Variants in CEACAM3 observed in about 807,000 individuals in gnomAD.
CEACAM3 encodes the protein CEA cell adhesion molecule 3, also known as cell adhesion molecule CEACAM3.
A neutral mutation model predicts 30.1 loss-of-function variants in CEACAM3; 32 were observed. The observed-to-expected ratio is 1.06, with a 90% CI of 0.80 to 1.43. CEACAM3 has a LOEUF of 1.43. CEACAM3 is among the 40% of genes most tolerant of loss of function. CEACAM3 has a pLI of 0.00. For missense variants in CEACAM3, 290 were observed against 316.3 expected, an observed-to-expected ratio of 0.92 and a Z score of 0.63; for synonymous variants, 134 against 127.2, an observed-to-expected ratio of 1.05 and a Z score of -0.36.
At chr19:41,807,531 A>T in intron 2 of CEACAM3, 5 of 1,369,150 alleles carry the variant, frequency 3.7e-6, no homozygotes, top group Non-Finnish European at 4.8e-6. Context: ...AAACCTGGGC[A>T]GACCCAGCCT....
chr19:41,805,135 A>G (rs2073187870), intron 2 of CEACAM3, among the ~76,000 whole-genome samples: 1 of 152,104 alleles, frequency 6.6e-6, no homozygotes, highest in Non-Finnish European at 1.5e-5. Flanking sequence ...TATGCATAAG[A>G]GATACTCAAA....
intron 6 of CEACAM3, 82 bp from the exon 7 acceptor site, chr19:41,811,090 T>C: frequency 6.6e-7 from 1 of 1,504,436 alleles, no homozygotes; most frequent in Non-Finnish European, 9.2e-7. Context: ...AGAGCAGCCC[T>C]GGATGGGCCC....
chr19:41,801,252 G>A (rs530502451), intron 2 of CEACAM3, among the ~76,000 whole-genome samples: 127 of 152,216 alleles, frequency 8.3e-4, no homozygotes, highest in African/African-American at 2.7e-3. Flanking sequence ...CACCTCCGGG[G>A]CAATAAAAAA....
chr19:41,804,192 A>G (rs1409216053), intron 2 of CEACAM3, among the ~76,000 whole-genome samples: 6 of 152,192 alleles, frequency 3.9e-5, no homozygotes, highest in Admixed American at 3.3e-4. Flanking sequence ...TGTAACATAC[A>G]TGTAATGGGA....
chr19:41,811,495 GC>G lies in CEACAM3; in HGVS notation c.*260del. ...GGGGGCTTGCAGGGAAAGTGAATGG[GC>G]CTGTGGCCCACCTGGGGTCACTTGG... On this transcript the variant is annotated 3_prime_UTR_variant, in exon 7 of 7. Transcript: ENST00000357396. The G allele has an allele frequency of 8.1e-6, 4 of 491,098 alleles. No individual in the cohort carries two copies. The highest frequency in any genetic ancestry group is 5.6e-4 in the Middle Eastern group (1 of 1,794). 30.4% of individuals were successfully genotyped at this position (491,098 alleles called of 1,614,324 possible).
chr19:41,810,969 G>A (rs774091687), intron 6 of CEACAM3, 72 bp downstream of exon 6: 28 of 1,439,218 alleles, frequency 1.9e-5, no homozygotes, highest in Non-Finnish European at 2.6e-5. Context: ...ACTGGCATCG[G>A]CTGAGCTCTG....
In CEACAM3 at chr19:41,810,319, C is replaced by G. The variant is rs1164718699; in HGVS notation, c.596-4C>G. ...CTGCTGCTCACTCCTGTCTCTGTTT[C>G]CAGGCCGTGGTCCCTCCCACAGCTC... On this transcript the variant is annotated splice_region_variant and splice_polypyrimidine_tract_variant and intron_variant, in intron 4 of 6. Transcript: ENST00000357396. 3 of 1,604,502 alleles carry G rather than the reference C, an allele frequency of 1.9e-6. No homozygotes were observed. The African/African-American group carries it at 4.0e-5, about 21-fold the overall frequency.
chr19:41,803,047 C>G (rs1555826188), intron 2 of CEACAM3, among the ~76,000 whole-genome samples: 2 of 142,586 alleles, frequency 1.4e-5, no homozygotes, highest in African/African-American at 4.9e-5. Flanking sequence ...CAAAACTGCA[C>G]AAGACAGACT....
intron 2 of CEACAM3, among the ~76,000 whole-genome samples, chr19:41,806,395 A>T (rs543351698): frequency 1.1e-4 from 16 of 152,084 alleles, no homozygotes; most frequent in African/African-American, 3.4e-4. Flanking sequence ...GGAAAGAATA[A>T]CCTCACCTTG....
Position 41,808,939 on chromosome 19 carries a change from G to A in CEACAM3, c.542+9G>A. On this transcript the variant is annotated intron_variant, in intron 3 of 6. Transcript: ENST00000357396. ...CTTGCCAAAACTGGAAGGTACCACA[G>A]CTTTTTCCCATCCTTCTCCCACCCC... 1 of 1,551,670 alleles carries A rather than the reference G, an allele frequency of 6.4e-7. No homozygotes were observed. The highest frequency in any genetic ancestry group is 1.4e-5 in the African/African-American group (1 of 71,950).
chr19:41,799,911 C>A (rs1011303019), intron 2 of CEACAM3, among the ~76,000 whole-genome samples: 8 of 152,186 alleles, frequency 5.3e-5, no homozygotes, highest in South Asian at 2.1e-4. Context: ...CTAAAGCTAC[C>A]CCAAGAACCG....
At chr19:41,799,588 A>G (rs2073130208) in intron 2 of CEACAM3, among the ~76,000 whole-genome samples, 1 of 152,156 alleles carries the variant, frequency 6.6e-6, no homozygotes, top group Admixed American at 6.5e-5. Flanking sequence ...AGTGCCAGGA[A>G]TGTCCGGGCC....
At chr19:41,810,948 G>T in intron 6 of CEACAM3, 51 bp downstream of exon 6, 1 of 1,516,502 alleles carries the variant, frequency 6.6e-7, no homozygotes, top group Non-Finnish European at 9.1e-7. Flanking sequence ...GGGGACCCAG[G>T]ATCTTCCCCT....
At chr19:41,810,444 A>C in intron 5 of CEACAM3, 90 bp downstream of exon 5, 2 of 1,382,374 alleles carry the variant, frequency 1.4e-6, no homozygotes, top group South Asian at 2.5e-5. Flanking sequence ...AGCACAGAAC[A>C]GACCCACCTT....
intron 2 of CEACAM3, among the ~76,000 whole-genome samples, chr19:41,808,421 C>G (rs2123019898): frequency 6.6e-6 from 1 of 152,324 alleles, no homozygotes; most frequent in East Asian, 1.9e-4. Context: ...TGGAAGGCCC[C>G]TGAAAACAGT....
At chr19:41,798,058 T>A (rs1555825522) in intron 2 of CEACAM3, 110 bp downstream of exon 2, 2 of 1,510,370 alleles carry the variant, frequency 1.3e-6, no homozygotes, top group South Asian at 1.3e-5. Flanking sequence ...ACATTCTGTA[T>A]CAGGGTTTGG....
At chr19:41,809,050 CCT>C in intron 3 of CEACAM3, 120 bp downstream of exon 3, 1 of 708,186 alleles carries the variant, frequency 1.4e-6, no homozygotes, top group Non-Finnish European at 2.4e-6. Context: ...CCCCAGGGAT[CCT>C]TCCCTCTTAT....
intron 2 of CEACAM3, among the ~76,000 whole-genome samples, chr19:41,804,981 T>G (rs1555826526): frequency 1.3e-5 from 2 of 152,210 alleles, no homozygotes; most frequent in Non-Finnish European, 2.9e-5. Flanking sequence ...CAAAATTTTT[T>G]GACCACTGGC....
At position 41,811,384 on chromosome 19, in the gene CEACAM3, G is replaced by T. The variant is rs1342046015; in HGVS notation, c.*147G>T. 2.0e-5 allele frequency: 14 copies of T among 685,386 alleles called. No homozygotes were observed. In the African/African-American group the frequency reaches 2.2e-4, roughly 11 times the overall value. The allele number at this position is 685,386 out of a possible 1,614,324, so 42.5% of individuals were successfully genotyped here. ...TGTCTGGGGGCAGGGAGGGATGGGG[G>T]TCCCTGATGAATATCTGGAGACCTC... On this transcript the variant is annotated 3_prime_UTR_variant, in exon 7 of 7. Coordinates refer to ENST00000357396, the MANE Select transcript of CEACAM3 (RefSeq NM_001815.5).
Sources: gnomAD v4.1 joint callset for allele counts (sites outside exome capture counted in the v4.1 genomes callset) on GRCh38, gnomAD v4.1.1 for gene constraint, MANE v1.5 for transcripts, NCBI Gene and HGNC (gene_info 2026-07-23, HGNC 2026-07-21) for gene names.